Variants in DPY19L4 observed in about 807,000 individuals in gnomAD.
DPY19L4 encodes dpy-19 like 4, also known as probable C-mannosyltransferase DPY19L4.
In DPY19L4, 97 loss-of-function variants were observed where a neutral mutation model predicts 102.8. The observed-to-expected ratio is 0.94, with a 90% CI of 0.80 to 1.12. The LOEUF is 1.12. DPY19L4 is among the 50% of genes most tolerant of loss of function. The pLI is 0.00. For synonymous variants in DPY19L4, 252 were observed against 283.1 expected (o/e 0.89, Z 1.10); for missense variants, 815 against 850.4 (o/e 0.96, Z 0.52).
intron 13 of DPY19L4, among the ~76,000 whole-genome samples, chr8:94,771,037 C>T (rs1812910794): frequency 6.6e-6 from 1 of 151,950 alleles, no homozygotes; most frequent in Admixed American, 6.6e-5. Flanking sequence ...GTCTCAGCCT[C>T]CTAAGTAGCC....
rs559458122 is a variant in DPY19L4, at chr8:94,740,862, G to A, written c.611+1072G>A. ...CCCAGACCTTATTACAGTTTCCCTG[G>A]TTGACCCTAAAATACTCTATATAGC... On this transcript the variant is annotated intron_variant, in intron 6 of 18. Coordinates refer to ENST00000414645, the MANE Select transcript of DPY19L4 (RefSeq NM_181787.3). Among the ~76,000 whole-genome samples, 188 of 152,044 alleles carry A rather than the reference G, an allele frequency of 1.2e-3. 1 individual carries two copies. The highest frequency in any genetic ancestry group is 4.0e-3 in the African/African-American group (167 of 41,486).
intron 12 of DPY19L4, among the ~76,000 whole-genome samples, chr8:94,769,961 C>T (rs1812851409): frequency 6.7e-6 from 1 of 148,514 alleles, no homozygotes; most frequent in East Asian, 2.0e-4. Context: ...GATCTTGGCT[C>T]ACTGCAACCT....
chr8:94,779,125 T>C (rs1813315330), intron 14 of DPY19L4, among the ~76,000 whole-genome samples: 1 of 152,096 alleles, frequency 6.6e-6, no homozygotes, highest in African/African-American at 2.4e-5. Context: ...CTAGAAGTAA[T>C]TGAAGCTTCA....
intron 11 of DPY19L4, among the ~76,000 whole-genome samples, chr8:94,767,723 A>T (rs1812741659): frequency 6.6e-6 from 1 of 152,218 alleles, no homozygotes; most frequent in Admixed American, 6.5e-5. Context: ...AATGGGTCCT[A>T]GTTGAATTAC....
chr8:94,732,249 T>C (rs903868174), intron 2 of DPY19L4, among the ~76,000 whole-genome samples: 7 of 152,210 alleles, frequency 4.6e-5, no homozygotes, highest in African/African-American at 1.4e-4. Context: ...CAAGTTGATT[T>C]TTACTGTCAG....
At chr8:94,783,245 G>A (rs1292428187) in intron 16 of DPY19L4, among the ~76,000 whole-genome samples, 1 of 149,872 alleles carries the variant, frequency 6.7e-6, no homozygotes, top group Non-Finnish European at 1.5e-5. Flanking sequence ...GGAGCAGGAG[G>A]AGAGGTGGAT....
At chr8:94,784,017 A>C (rs982683064) in intron 17 of DPY19L4, among the ~76,000 whole-genome samples, 2 of 152,242 alleles carry the variant, frequency 1.3e-5, no homozygotes, top group Non-Finnish European at 2.9e-5. Context: ...TTTTATGAAT[A>C]ATACTGATAT....
At chr8:94,745,247 A>C (rs1473153277) in intron 6 of DPY19L4, among the ~76,000 whole-genome samples, 2 of 152,134 alleles carry the variant, frequency 1.3e-5, no homozygotes, top group African/African-American at 4.8e-5. Context: ...AGGGGGAAAA[A>C]ATCAGAGGTG....
intron 2 of DPY19L4, among the ~76,000 whole-genome samples, chr8:94,733,079 G>T (rs1335338992): frequency 6.9e-6 from 1 of 145,758 alleles, no homozygotes; most frequent in Non-Finnish European, 1.5e-5. Flanking sequence ...AAGTTTTGGG[G>T]TTACAGACCT....
chr8:94,731,554 T>C (rs922991005), intron 2 of DPY19L4, among the ~76,000 whole-genome samples: 4 of 152,028 alleles, frequency 2.6e-5, no homozygotes, highest in African/African-American at 9.7e-5. Flanking sequence ...TAGCTGGGAT[T>C]ACAGGCATGC....
At chr8:94,776,931 A>G (rs902809656) in intron 13 of DPY19L4, among the ~76,000 whole-genome samples, 1 of 143,176 alleles carries the variant, frequency 7.0e-6, no homozygotes, top group African/African-American at 2.6e-5. Context: ...CAACCACTGT[A>G]CTCTAGCCTG....
chr8:94,773,871 C>CAAAA (rs71273373), intron 13 of DPY19L4, among the ~76,000 whole-genome samples: 27 of 70,428 alleles, frequency 3.8e-4, no homozygotes, highest in South Asian at 5.4e-4. Context: ...CCCATCTCTA[C>CAAAA]AAAAAAAAAA....
At chr8:94,729,287 GCTT>G (rs1810829453) in intron 2 of DPY19L4, among the ~76,000 whole-genome samples, 1 of 152,058 alleles carries the variant, frequency 6.6e-6, no homozygotes, top group African/African-American at 2.4e-5. Context: ...CAGGAGAATC[GCTT>G]GAACCTGGGA....
rs182461209 is a variant in DPY19L4 at position 94,786,369 on chromosome 8, C to T, written c.1849-1525C>T. Among the ~76,000 whole-genome samples, 500 of 152,208 alleles carry T rather than the reference C, an allele frequency of 3.3e-3. 1 individual carries two copies. The highest frequency in any genetic ancestry group is 5.5e-3 in the Non-Finnish European group (374 of 68,018). Reference sequence around the variant, plus strand: ...TGAACTCCTGAGCTCAGGCAATCCGCCTACCCCTGCCTCCCAAAGTGCTAG... The same window carrying T: ...TGAACTCCTGAGCTCAGGCAATCCGTCTACCCCTGCCTCCCAAAGTGCTAG... On this transcript the variant is annotated intron_variant, in intron 17 of 18. Transcript: ENST00000414645.
chr8:94,767,481 G>A (rs1812728399), intron 11 of DPY19L4, among the ~76,000 whole-genome samples: 1 of 152,018 alleles, frequency 6.6e-6, no homozygotes, highest in Non-Finnish European at 1.5e-5. Context: ...TTTTAGTAGA[G>A]ACGGGGTTTC....
intron 3 of DPY19L4, 78 bp from the exon 4 acceptor site, chr8:94,738,291 C>T: frequency 4.4e-6 from 3 of 677,630 alleles, no homozygotes; most frequent in Non-Finnish European, 5.9e-6. Context: ...TGCACTCCAG[C>T]CTGGGCGACA....
rs537157472 is a variant in DPY19L4, at chr8:94,789,763, T to C, written c.2025T>C (p.Gly675=). Residue 675 remains glycine, a synonymous_variant, in exon 19 of 19, where the codon GGT becomes GGC. Coordinates refer to ENST00000414645, the MANE Select transcript of DPY19L4 (RefSeq NM_181787.3). ...TTTAATAGATGGTTTGTGAAGAAGG[T>C]GACAAGCTAACCTACTCAAAATATG... ...IANGHMVCEE[G]DKLTYSKYGR... 6 of 1,602,370 alleles carry C rather than the reference T, an allele frequency of 3.7e-6. No individual in the cohort carries two copies. The African/African-American group carries it at 8.1e-5, about 22-fold the overall frequency.
chr8:94,756,522 G>C (rs1005798235), intron 7 of DPY19L4, among the ~76,000 whole-genome samples: 3 of 152,198 alleles, frequency 2.0e-5, no homozygotes, highest in African/African-American at 7.2e-5. Context: ...AAGATGTAAA[G>C]AGTGACCACA....
chr8:94,757,842 C>T (rs533872167), intron 7 of DPY19L4, among the ~76,000 whole-genome samples: 3 of 152,136 alleles, frequency 2.0e-5, no homozygotes, highest in Admixed American at 6.5e-5. Context: ...TGTGGTGGCT[C>T]ACACCTATAA....
Sources: allele counts gnomAD v4.1 joint callset (sites outside exome capture counted in the v4.1 genomes callset), GRCh38; gene constraint gnomAD v4.1.1; transcripts MANE v1.5; gene names NCBI Gene and HGNC (gene_info 2026-07-23, HGNC 2026-07-21).